Variants in PPP6R2 observed in about 807,000 individuals in gnomAD.
PPP6R2 encodes serine/threonine-protein phosphatase 6 regulatory subunit 2.
Under a neutral mutation model 100.2 loss-of-function variants are expected in PPP6R2, and 62 were observed. The observed-to-expected ratio is 0.62, with a 90% CI of 0.50 to 0.76. PPP6R2 has a LOEUF of 0.76. Ranked by LOEUF, PPP6R2 falls within the 30% of genes least tolerant of loss-of-function variation. PPP6R2 has a pLI of 0.00. For synonymous variants in PPP6R2, 525 were observed against 514.7 expected (o/e 1.02, Z -0.27); for missense variants, 1,142 against 1,276.3 (o/e 0.89, Z 1.60).
At chr22:50,361,905 C>G in intron 1 of PPP6R2, among the ~76,000 whole-genome samples, 1 of 152,090 alleles carries the variant, frequency 6.6e-6, no homozygotes, top group East Asian at 1.9e-4. Flanking sequence ...TAGTCACTGT[C>G]CTAGGGCAGT....
intron 1 of PPP6R2, among the ~76,000 whole-genome samples, 175 bp from the exon 2 acceptor site, chr22:50,371,845 C>G (rs1166005827): frequency 6.6e-6 from 1 of 152,078 alleles, no homozygotes; most frequent in Non-Finnish European, 1.5e-5. Context: ...TCCATGTCAC[C>G]CAAGCTAGTC....
upstream of PPP6R2, among the ~76,000 whole-genome samples, chr22:50,340,826 C>T (rs1053349613): frequency 6.6e-6 from 1 of 151,794 alleles, no homozygotes; most frequent in African/African-American, 2.4e-5. Context: ...CATGTAGGGC[C>T]CTGTGGGCAA....
At chr22:50,443,743 G>C in intron 22 of PPP6R2, 123 bp from the exon 23 acceptor site, 2 of 1,361,022 alleles carry the variant, frequency 1.5e-6, no homozygotes, top group East Asian at 5.1e-5. Flanking sequence ...GCAGGAGTGA[G>C]AGGGGCCAAA....
intron 4 of PPP6R2, among the ~76,000 whole-genome samples, chr22:50,413,844 C>T (rs2060108510): frequency 1.3e-5 from 2 of 152,160 alleles, no homozygotes; most frequent in Admixed American, 1.3e-4. Context: ...GCCCAGTAGC[C>T]TGGACATAGC....
At chr22:50,338,873 T>C, upstream of PPP6R2, among the ~76,000 whole-genome samples, 1 of 138,692 alleles carries the variant, frequency 7.2e-6, no homozygotes, top group Non-Finnish European at 1.5e-5. Context: ...GTGTGGTATG[T>C]AGTGTGTGTG....
In PPP6R2 at chr22:50,431,345, C is replaced by A; in HGVS notation, c.1298C>A (p.Pro433Gln). 1 of 1,612,904 alleles carries A rather than the reference C, an allele frequency of 6.2e-7. No individual in the cohort carries two copies. The highest frequency in any genetic ancestry group is 8.5e-7 in the Non-Finnish European group (1 of 1,179,980). Residue 433 changes from proline (P) to glutamine (Q), a missense_variant, in exon 11 of 24, where the codon CCG (proline) becomes CAG (glutamine). Physicochemically the swap from Pro to Gln is moderately conservative, Grantham distance 76. This residue lies in a region of PPP6R2 where 592 missense variants were observed against 758.9 expected (regional missense o/e 0.78). Transcript: ENST00000612753. The surrounding 1 kb of genome is among the most constrained non-coding windows in gnomAD (Gnocchi z 4.8). ...NGNRSLETPQ[P>Q]AASLPDNTMV... ...AACCGGAGCCTGGAGACTCCCCAGC[C>A]GGCCGCCAGCCTCCCTGACAACACA...
intron 1 of PPP6R2, among the ~76,000 whole-genome samples, chr22:50,371,397 A>G (rs2050172558): frequency 6.6e-6 from 1 of 152,128 alleles, no homozygotes; most frequent in South Asian, 2.1e-4. Flanking sequence ...GAGGTTGGAA[A>G]TGGAGCACAT....
upstream of PPP6R2, among the ~76,000 whole-genome samples, chr22:50,338,680 AGTATGTG>A (rs2042331631): frequency 9.0e-6 from 1 of 110,566 alleles, no homozygotes; most frequent in Admixed American, 9.5e-5. Flanking sequence ...GTGTGTGTGT[AGTATGTG>A]GTGTGTGTGG....
At chr22:50,389,551 T>C (rs2054975057) in intron 2 of PPP6R2, among the ~76,000 whole-genome samples, 1 of 129,830 alleles carries the variant, frequency 7.7e-6, no homozygotes, top group South Asian at 2.8e-4. Context: ...ATGTGATCTT[T>C]TTTTGTTTTT....
chr22:50,438,417 G>C (rs2064859863), intron 18 of PPP6R2, 119 bp downstream of exon 18: 1 of 1,500,210 alleles, frequency 6.7e-7, no homozygotes, highest in African/African-American at 1.4e-5. Flanking sequence ...TGTCCTGCCA[G>C]CTCTGGGGCC....
At chr22:50,430,285 G>A (rs1281667825) in intron 10 of PPP6R2, among the ~76,000 whole-genome samples, 1 of 152,210 alleles carries the variant, frequency 6.6e-6, no homozygotes, top group Admixed American at 6.5e-5. Context: ...GCTCCCTTGG[G>A]GAGTGTCTGA....
At chr22:50,360,502 G>A (rs2047575382) in intron 1 of PPP6R2, among the ~76,000 whole-genome samples, 1 of 151,758 alleles carries the variant, frequency 6.6e-6, no homozygotes, top group African/African-American at 2.4e-5. Flanking sequence ...TGCTAGGACT[G>A]CAAGTACATG....
chr22:50,391,899 C>T lies in PPP6R2; in HGVS notation c.-16-1994C>T, dbSNP rs533032180. 8 of 149,320 alleles carry T rather than the reference C, an allele frequency of 5.4e-5. No homozygotes were observed. The South Asian group carries it at 6.3e-4, about 12-fold the overall frequency. The allele number at this position is 149,320 out of a possible 1,614,324, so 9.2% of individuals were successfully genotyped here. ...CCTTCTCTGTGGCTAGAAACAGGAC[C>T]GTCCAGAAGTCACCTGTAACTGCCC... On this transcript the variant is annotated intron_variant, in intron 2 of 23. Coordinates refer to ENST00000612753, the MANE Select transcript of PPP6R2 (RefSeq NM_001242898.2).
the PPP6R2 span, among the ~76,000 whole-genome samples, chr22:50,337,320 G>A: frequency 7.0e-6 from 1 of 142,456 alleles, no homozygotes; most frequent in Admixed American, 7.1e-5. Context: ...GCGCCTGCAT[G>A]TGTGTGTGGT....
intron 3 of PPP6R2, 59 bp from the exon 4 acceptor site, chr22:50,406,630 C>T (rs2058998501): frequency 6.7e-7 from 1 of 1,502,754 alleles, no homozygotes. Context: ...ATGTAAGCAG[C>T]TTCCTAAGAG....
chr22:50,338,839 T>C (rs2042334247), upstream of PPP6R2, among the ~76,000 whole-genome samples: 2 of 144,066 alleles, frequency 1.4e-5, no homozygotes, highest in Non-Finnish European at 1.5e-5. Context: ...GTGTGGTGTG[T>C]GTGTGGTGTG....
chr22:50,437,576 A>T lies in PPP6R2; in HGVS notation c.1754A>T (p.Glu585Val), dbSNP rs1445875989. The change falls in exon 16 of 24, where the codon GAG (glutamate) becomes GTG (valine). Residue 585 changes from glutamate (E) to valine (V), a missense_variant. Physicochemically the swap from Glu to Val is moderately radical, Grantham distance 121. Around this residue, in one of 2 missense-constraint regions of PPP6R2, gnomAD observed 550 missense variants for 517.4 expected, o/e 1.06. Coordinates refer to ENST00000612753, the MANE Select transcript of PPP6R2 (RefSeq NM_001242898.2). ...GATCAGTTTGGCTTCAATGATGAGG[A>T]GTTTGCCGACCAGGACGACAACATC... ...FVDQFGFNDE[E>V]FADQDDNINA... The T allele has an allele frequency of 5.9e-6, 9 of 1,525,790 alleles. No homozygotes were observed. The highest frequency in any genetic ancestry group is 8.0e-6 in the Non-Finnish European group (9 of 1,127,124). The allele number at this position is 1,525,790 out of a possible 1,614,324, so 94.5% of individuals were successfully genotyped here. A position where few individuals can be genotyped will look rare whatever the true frequency, so the allele number is the denominator to read the frequency against.
In PPP6R2 at chr22:50,351,176, G is replaced by C. The variant is rs375993027; in HGVS notation, c.-148+7626G>C. The stretch of plus-strand genomic sequence containing the variant: ...CTGCCTCAGCCTCCCTAGTGGCTGG[G>C]ATTACAGGCATGTGCCATTGCGCCC... On this transcript the variant is annotated intron_variant, in intron 1 of 23. Coordinates refer to ENST00000612753, the MANE Select transcript of PPP6R2 (RefSeq NM_001242898.2). Among the ~76,000 whole-genome samples, 5 of 143,624 alleles carry C rather than the reference G, an allele frequency of 3.5e-5. No individual in the cohort carries two copies. In the South Asian group the frequency reaches 9.3e-4, roughly 27 times the overall value. 94.2% of individuals were successfully genotyped at this position (143,624 alleles called of 152,430 possible).
chr22:50,377,728 G>A (rs1022209524), intron 2 of PPP6R2, among the ~76,000 whole-genome samples: 1 of 152,176 alleles, frequency 6.6e-6, no homozygotes, highest in African/African-American at 2.4e-5. Context: ...ACAGATTTAG[G>A]CCAGGCGCGG....
Sources: gnomAD v4.1 joint callset for allele counts (sites outside exome capture counted in the v4.1 genomes callset) on GRCh38, gnomAD v4.1.1 for gene constraint, gnomAD v4.1.1 regional missense constraint, Gnocchi (gnomAD v3.1) non-coding constraint, MANE v1.5 for transcripts, NCBI Gene and HGNC (gene_info 2026-07-23, HGNC 2026-07-21) for gene names.